ARHGEF3: variants seen among roughly 807,000 people sequenced by gnomAD.
The protein encoded by ARHGEF3 is Rho guanine nucleotide exchange factor 3.
A neutral mutation model predicts 63.2 loss-of-function variants in ARHGEF3; 28 were observed. The observed-to-expected ratio is 0.44, with a 90% confidence interval of 0.33 to 0.61. The LOEUF is 0.61. Ranked by LOEUF, ARHGEF3 falls within the 20% of genes least tolerant of loss-of-function variation. The pLI is 0.03. For missense variants in ARHGEF3, 533 were observed against 659.3 expected, an observed-to-expected ratio of 0.81 and a Z score of 2.10; for synonymous variants, 266 against 254.2, an observed-to-expected ratio of 1.05 and a Z score of -0.44.
intron 2 of ARHGEF3, among the ~76,000 whole-genome samples, chr3:56,769,942 T>C (rs2035916814): frequency 6.6e-6 from 1 of 152,140 alleles, no homozygotes. Context: ...CACATATGGG[T>C]AATGGATGGC....
chr3:57,060,675 G>C (rs988659774), intron 1 of ARHGEF3: 4 of 152,316 alleles, frequency 2.6e-5, no homozygotes, highest in Non-Finnish European at 4.4e-5. Context: ...CAGTCACTGA[G>C]AAAATTCTTT....
Position 56,766,536 on chromosome 3 carries a change from A to G in ARHGEF3, c.204+7173T>C, listed in dbSNP as rs138173700. Reference sequence around the variant, plus strand: ...TGCCTTTTCTAGTCATAACGGTGATAATAATAGCAAGTACTAATTTTTGAG... The same window carrying G: ...TGCCTTTTCTAGTCATAACGGTGATGATAATAGCAAGTACTAATTTTTGAG... On this transcript the variant is annotated intron_variant, in intron 2 of 9. Coordinates refer to ENST00000296315, the MANE Select transcript of ARHGEF3 (RefSeq NM_019555.3). 6.9e-3 allele frequency among the ~76,000 whole-genome samples: 1,049 copies of G among 152,328 alleles called. 14 individuals are homozygous for G. The highest frequency in any genetic ancestry group is 0.023 in the African/African-American group (966 of 41,582).
intron 2 of ARHGEF3, among the ~76,000 whole-genome samples, chr3:56,959,223 T>C (rs1297934776): frequency 1.3e-5 from 2 of 152,196 alleles, no homozygotes; most frequent in East Asian, 3.9e-4. Context: ...AATTCCCACA[T>C]GGACACTATC....
intron 1 of ARHGEF3, among the ~76,000 whole-genome samples, chr3:57,042,651 AATATATATATATATATAT>A (rs71076013): frequency 0.022 from 1,099 of 49,298 alleles, 83 homozygotes; most frequent in South Asian, 0.048. Flanking sequence ...TATGTACATA[AATATATATATATATATAT>A]ATATATATAT....
chr3:56,995,852 T>A (rs1701968731), intron 2 of ARHGEF3, among the ~76,000 whole-genome samples: 1 of 152,200 alleles, frequency 6.6e-6, no homozygotes, highest in African/African-American at 2.4e-5. Flanking sequence ...ACTCCTTTAG[T>A]CTAGTTAGTG....
intron 4 of ARHGEF3, among the ~76,000 whole-genome samples, chr3:56,834,172 G>A (rs535101327): frequency 2.0e-5 from 3 of 151,996 alleles, no homozygotes; most frequent in South Asian, 2.1e-4. Flanking sequence ...CAAAATTCTC[G>A]GATTACAAGC....
chr3:56,851,706 ATT>A (rs1404439772), intron 4 of ARHGEF3, among the ~76,000 whole-genome samples: 1 of 151,944 alleles, frequency 6.6e-6, no homozygotes, highest in Non-Finnish European at 1.5e-5. Context: ...TTTAAAAACA[ATT>A]TGTTTTTAAA....
intron 9 of ARHGEF3, among the ~76,000 whole-genome samples, chr3:56,730,387 T>A (rs1169671861): frequency 1.4e-5 from 2 of 140,016 alleles, no homozygotes; most frequent in African/African-American, 5.4e-5. Context: ...TTTTATTTAA[T>A]CTTTTTTTTT....
Position 56,950,119 on chromosome 3 carries a change from C to T in ARHGEF3, c.129+8704G>A, listed in dbSNP as rs1214534192. Among the ~76,000 whole-genome samples the T allele has an allele frequency of 7.9e-5, 12 of 152,084 alleles. No homozygotes were observed. The East Asian group carries it at 2.3e-3, about 29-fold the overall frequency. On this transcript the variant is annotated intron_variant, in intron 3 of 12. Coordinates refer to the ARHGEF3 transcript ENST00000338458. ...CTGGATCCCTTCCTTACACCTTATA[C>T]AAAAATTAATTCAAGATGGATTAAA... is the stretch of plus-strand genomic sequence containing the variant.
At chr3:56,783,561 G>A (rs535477015) in intron 1 of ARHGEF3, among the ~76,000 whole-genome samples, 59 of 152,262 alleles carry the variant, frequency 3.9e-4, no homozygotes, top group Non-Finnish European at 8.2e-4. Flanking sequence ...CCTGCCATGG[G>A]GAAATTCATT....
intron 1 of ARHGEF3, among the ~76,000 whole-genome samples, chr3:57,058,051 T>A (rs1179595790): frequency 6.6e-6 from 1 of 152,222 alleles, no homozygotes; most frequent in African/African-American, 2.4e-5. Flanking sequence ...CCTTCAGTCG[T>A]GTCCTTGCCA....
At chr3:57,023,382 T>A (rs1169627041) in intron 2 of ARHGEF3, among the ~76,000 whole-genome samples, 2 of 152,310 alleles carry the variant, frequency 1.3e-5, no homozygotes, top group East Asian at 3.9e-4. Flanking sequence ...ACCTCCATCA[T>A]CTCTCTCCTG....
At chr3:56,761,746 T>C (rs1449354274) in intron 2 of ARHGEF3, among the ~76,000 whole-genome samples, 2 of 152,192 alleles carry the variant, frequency 1.3e-5, no homozygotes, top group African/African-American at 4.8e-5. Context: ...GACACTTTGC[T>C]GAAGGTCACA....
At chr3:56,775,227 A>T in intron 1 of ARHGEF3, 1 of 1,369,924 alleles carries the variant, frequency 7.3e-7, no homozygotes, top group Non-Finnish European at 9.5e-7. Context: ...CCCCGTTCTG[A>T]ACATAGTAGG....
chr3:56,994,570 T>A (rs1359939394), intron 2 of ARHGEF3, among the ~76,000 whole-genome samples: 1 of 151,896 alleles, frequency 6.6e-6, no homozygotes, highest in Non-Finnish European at 1.5e-5. Context: ...GGAAAAGGAG[T>A]TTCCACCACC....
chr3:57,060,810 A>G (rs1275336875), intron 1 of ARHGEF3: 1 of 53,774 alleles, frequency 1.9e-5, no homozygotes, highest in African/African-American at 6.8e-5. Flanking sequence ...CTGCCGCCCC[A>G]CCCCCACCCC....
chr3:56,871,910 C>T (rs1286052042), intron 4 of ARHGEF3, among the ~76,000 whole-genome samples: 2 of 152,274 alleles, frequency 1.3e-5, no homozygotes, highest in Admixed American at 6.5e-5. Flanking sequence ...CAGAAGCGTT[C>T]TCAGACCTGT....
intron 2 of ARHGEF3, among the ~76,000 whole-genome samples, chr3:57,004,672 A>G (rs1702400773): frequency 6.6e-6 from 1 of 152,224 alleles, no homozygotes; most frequent in Non-Finnish European, 1.5e-5. Flanking sequence ...TGCCTAGACA[A>G]TAATAGTTTA....
intron 4 of ARHGEF3, among the ~76,000 whole-genome samples, chr3:56,820,784 A>C (rs184346363): frequency 2.0e-5 from 3 of 152,352 alleles, no homozygotes; most frequent in Admixed American, 2.0e-4. Context: ...TTTGAATATG[A>C]GGACATGCAA....
Sources: gnomAD v4.1 joint callset for allele counts (sites outside exome capture counted in the v4.1 genomes callset) on GRCh38, gnomAD v4.1.1 for gene constraint, MANE v1.5 for transcripts, NCBI Gene and HGNC (gene_info 2026-07-23, HGNC 2026-07-21) for gene names.